Variants in IRF2 observed in about 807,000 individuals in gnomAD.
The protein encoded by IRF2 is interferon regulatory factor 2.
A neutral mutation model predicts 40.6 loss-of-function variants in IRF2; 15 were observed. The observed-to-expected ratio is 0.37, with a 90% CI of 0.25 to 0.57. The LOEUF (loss-of-function observed/expected upper bound fraction) is 0.57. IRF2 is among the 20% of genes least tolerant of loss of function. The pLI, the probability that IRF2 is intolerant of heterozygous loss-of-function variation, is 0.77. For synonymous variants in IRF2, 151 were observed against 165.5 expected, an observed-to-expected ratio of 0.91 and a Z score of 0.67; for missense variants, 317 against 455.7, an observed-to-expected ratio of 0.70 and a Z score of 2.77.
chr4:184,442,557 G>A (rs942416389), intron 1 of IRF2, among the ~76,000 whole-genome samples: 5 of 152,072 alleles, frequency 3.3e-5, no homozygotes, highest in African/African-American at 1.2e-4. Context: ...TCCCATAGAA[G>A]ACAAACGCGC....
intron 1 of IRF2, among the ~76,000 whole-genome samples, chr4:184,449,775 A>G (rs1304474725): frequency 6.6e-6 from 1 of 151,878 alleles, no homozygotes; most frequent in African/African-American, 2.4e-5. Context: ...TATTTTATAC[A>G]TGGGAATTCA....
intron 1 of IRF2, among the ~76,000 whole-genome samples, chr4:184,465,530 A>G (rs970141471): frequency 3.3e-5 from 5 of 152,178 alleles, no homozygotes; most frequent in Non-Finnish European, 7.3e-5. Context: ...CATCAAAAAG[A>G]TATGTTTTCT....
intron 2 of IRF2, among the ~76,000 whole-genome samples, chr4:184,425,613 G>A (rs1406439675): frequency 6.6e-6 from 1 of 152,258 alleles, no homozygotes; most frequent in African/African-American, 2.4e-5. Context: ...GAGGAGCCCT[G>A]TGAGATGACA....
intron 5 of IRF2, among the ~76,000 whole-genome samples, chr4:184,414,383 C>T (rs1011297317): frequency 2.0e-5 from 3 of 152,106 alleles, no homozygotes; most frequent in Non-Finnish European, 4.4e-5. Context: ...GCTCTGTTGC[C>T]CAGGCTGGAG....
At chr4:184,435,003 C>G (rs1228131321) in intron 1 of IRF2, among the ~76,000 whole-genome samples, 1 of 152,182 alleles carries the variant, frequency 6.6e-6, no homozygotes, top group Non-Finnish European at 1.5e-5. Context: ...GAGCCATGAT[C>G]ACACCACTGC....
intron 1 of IRF2, among the ~76,000 whole-genome samples, chr4:184,455,285 T>C (rs1401481629): frequency 5.2e-3 from 219 of 41,978 alleles, no homozygotes; most frequent in African/African-American, 6.8e-3. Context: ...CCCCTCCCCC[T>C]CCCTTCCTTC....
At chr4:184,458,438 T>C (rs1012926801) in intron 1 of IRF2, among the ~76,000 whole-genome samples, 1 of 152,252 alleles carries the variant, frequency 6.6e-6, no homozygotes, top group Non-Finnish European at 1.5e-5. Context: ...CAAAATTGTC[T>C]GCTGAAGGAA....
At chr4:184,417,815 C>A (rs951785907) in intron 5 of IRF2, among the ~76,000 whole-genome samples, 1 of 151,250 alleles carries the variant, frequency 6.6e-6, no homozygotes, top group African/African-American at 2.4e-5. Flanking sequence ...TACTTAATAG[C>A]CTGAAAATAT....
intron 1 of IRF2, among the ~76,000 whole-genome samples, chr4:184,447,418 T>C (rs1738551237): frequency 6.6e-6 from 1 of 152,156 alleles, no homozygotes; most frequent in Non-Finnish European, 1.5e-5. Context: ...GTAGGAAGAA[T>C]GATGGACTTA....
chr4:184,454,662 A>G (rs1738846244), intron 1 of IRF2, among the ~76,000 whole-genome samples: 1 of 152,062 alleles, frequency 6.6e-6, no homozygotes, highest in Non-Finnish European at 1.5e-5. Flanking sequence ...GACCACAATG[A>G]TTTCTTTTCT....
intron 1 of IRF2, among the ~76,000 whole-genome samples, chr4:184,437,080 G>T (rs999748037): frequency 1.3e-5 from 2 of 151,900 alleles, no homozygotes; most frequent in African/African-American, 4.8e-5. Context: ...TTTTGAGATG[G>T]AGTCTCGCTC....
intron 1 of IRF2, among the ~76,000 whole-genome samples, chr4:184,440,046 G>A (rs925728538): frequency 2.6e-5 from 4 of 152,166 alleles, no homozygotes; most frequent in South Asian, 2.1e-4. Flanking sequence ...ACTCTCAAAG[G>A]GCAGTTCCCT....
At chr4:184,390,095 GCTCC>G (rs1187514210) in intron 8 of IRF2, among the ~76,000 whole-genome samples, 3 of 152,132 alleles carry the variant, frequency 2.0e-5, no homozygotes, top group Non-Finnish European at 4.4e-5. Flanking sequence ...CCTCTCTCTT[GCTCC>G]CTCCCTCTCT....
At chr4:184,464,698 T>C (rs1397515718) in intron 1 of IRF2, among the ~76,000 whole-genome samples, 1 of 152,156 alleles carries the variant, frequency 6.6e-6, no homozygotes, top group African/African-American at 2.4e-5. Flanking sequence ...CGTATCTCCC[T>C]AGGCATGTGT....
chr4:184,399,131 G>C lies in IRF2; in HGVS notation c.530-52C>G, dbSNP rs191230059. 777 of 1,516,034 alleles carry C rather than the reference G, an allele frequency of 5.1e-4. 6 individuals carry two copies. The African/African-American group carries it at 6.8e-3, about 13-fold the overall frequency. 93.9% of individuals were successfully genotyped at this position (1,516,034 alleles called of 1,614,324 possible). A position where few individuals can be genotyped will look rare whatever the true frequency, so the allele number is the denominator to read the frequency against. On this transcript the variant is annotated intron_variant, in intron 6 of 8. Coordinates refer to ENST00000393593, the MANE Select transcript of IRF2 (RefSeq NM_002199.4). ...AAAGTCTGCTGACCTCACAATTCTA[G>C]CACACTTTCTCAAGAAAGAGTCTTC...
At chr4:184,426,077 C>T (rs1453628377) in intron 2 of IRF2, among the ~76,000 whole-genome samples, 1 of 152,060 alleles carries the variant, frequency 6.6e-6, no homozygotes, top group African/African-American at 2.4e-5. Context: ...TCTCAGCTCA[C>T]GCAACCTCCA....
Position 184,438,338 on chromosome 4 carries a change from C to T in IRF2, c.-6-9268G>A, listed in dbSNP as rs559002918. ...CTCTGCTAACAACCCACCAGAGGGT[C>T]GTGGGATCATTTGTTGCATTAAGAT... On this transcript the variant is annotated intron_variant, in intron 1 of 8. Transcript: ENST00000393593. Among the ~76,000 whole-genome samples the T allele has an allele frequency of 1.6e-4, 25 of 152,308 alleles. No homozygotes were observed. In the South Asian group the frequency reaches 1.7e-3, roughly 10 times the overall value.
At chr4:184,440,986 C>T (rs753522725) in intron 1 of IRF2, among the ~76,000 whole-genome samples, 1 of 152,218 alleles carries the variant, frequency 6.6e-6, no homozygotes, top group Non-Finnish European at 1.5e-5. Context: ...AGCCTGGAAA[C>T]GTCTCGCCAT....
intron 7 of IRF2, among the ~76,000 whole-genome samples, chr4:184,391,906 A>C (rs918944204): frequency 1.3e-5 from 2 of 152,176 alleles, no homozygotes; most frequent in African/African-American, 4.8e-5. Flanking sequence ...AGAGGATTAC[A>C]TGGAGAGTGA....
Sources: allele counts gnomAD v4.1 joint callset (sites outside exome capture counted in the v4.1 genomes callset), GRCh38; gene constraint gnomAD v4.1.1; transcripts MANE v1.5; gene names NCBI Gene and HGNC (gene_info 2026-07-23, HGNC 2026-07-21).